The following DUS1L variants were observed in gnomAD, a reference collection of about 807,000 sequenced individuals.
The protein encoded by DUS1L is tRNA-dihydrouridine(16/17) synthase [NAD(P)(+)]-like.
A neutral mutation model predicts 61.2 loss-of-function variants in DUS1L; 56 were observed. The observed-to-expected ratio is 0.92, with a 90% CI of 0.74 to 1.14. The LOEUF is 1.14. Among genes scored for constraint, DUS1L ranks in the 50% most tolerant of loss-of-function variants. DUS1L has a pLI of 0.00. For missense variants in DUS1L, 630 were observed against 632.4 expected, an observed-to-expected ratio of 1.00 and a Z score of 0.04; for synonymous variants, 278 against 259.5, an observed-to-expected ratio of 1.07 and a Z score of -0.69.
Position 82,061,939 on chromosome 17 carries a change from CAG to C in DUS1L, c.553_554del (p.Leu185ValfsTer23), listed in dbSNP as rs759177738. ...HGRTKEQKGP[L>X]SGAASWEHIK... Reference sequence around the variant, plus strand: ...TATGCTCCCAGGACGCTGCACCCGACAGGGGCCCCTTCTGCTCCTTGGTGCGT... The same window carrying C: ...TATGCTCCCAGGACGCTGCACCCGACGGGCCCCTTCTGCTCCTTGGTGCGT... On this transcript the variant is annotated frameshift_variant, in exon 6 of 14. Coordinates refer to ENST00000306796, the MANE Select transcript of DUS1L (RefSeq NM_022156.5). LOFTEE classifies it high-confidence loss of function. 45 of 1,611,028 alleles carry C rather than the reference CAG, an allele frequency of 2.8e-5. No individual in the cohort carries two copies. The highest frequency in any genetic ancestry group is 8.3e-5 in the Admixed American group (5 of 59,884).
chr17:82,061,622 G>A lies in DUS1L; in HGVS notation c.693C>T (p.Ser231=), dbSNP rs370860304. ...GCTGTCCTGGGCCCTGCCCACCTGCGCTCATGACGCCCTGCACACCCGTGT... is the reference window on the plus strand; with the variant it reads ...GCTGTCCTGGGCCCTGCCCACCTGCACTCATGACGCCCTGCACACCCGTGT... ...LRDTGVQGVM[S]AEGNLHNPAL... is the part of the protein sequence containing the mutation. The change falls in exon 7 of 14, where the codon AGC becomes AGT. Residue 231 remains serine (S), a synonymous_variant. Coordinates refer to ENST00000306796, the MANE Select transcript of DUS1L (RefSeq NM_022156.5). The A allele has an allele frequency of 8.1e-6, 13 of 1,610,802 alleles. No homozygotes were observed. In the East Asian group the frequency reaches 1.3e-4, roughly 17 times the overall value.
At chr17:82,064,781 G>A (rs758613115) in intron 2 of DUS1L, 42 bp downstream of exon 2, 1 of 1,433,382 alleles carries the variant, frequency 7.0e-7, no homozygotes, top group Admixed American at 2.3e-5. Flanking sequence ...TTCCAGGACC[G>A]GGAACCCAAC....
Position 82,060,017 on chromosome 17 carries a change from C to A in DUS1L, c.1099G>T (p.Val367Phe), listed in dbSNP as rs1025004616. Residue 367 changes from valine to phenylalanine, a missense_variant, in exon 11 of 14, where the codon GTC (valine) becomes TTC (phenylalanine). Coordinates refer to ENST00000306796, the MANE Select transcript of DUS1L (RefSeq NM_022156.5). ...ALEEEEGGTE[V>F]LSKNKQKKQL... Reference sequence around the variant, plus strand: ...TTCTTTTGCTTGTTCTTGGACAGGACCTCCGTGCCACCCTCCTCTTCCTCC... The same window carrying A: ...TTCTTTTGCTTGTTCTTGGACAGGAACTCCGTGCCACCCTCCTCTTCCTCC... The A allele has an allele frequency of 2.5e-6, 4 of 1,613,768 alleles. No individual in the cohort carries two copies. The East Asian group carries it at 6.7e-5, about 27-fold the overall frequency.
Position 82,065,022 on chromosome 17 carries a change from G to C in DUS1L, c.38C>G (p.Thr13Ser). 6.2e-7 allele frequency: 1 copy of C among 1,607,404 alleles called. No individual in the cohort carries two copies. Among genetic ancestry groups the C allele is most frequent in the Non-Finnish European group, 8.5e-7 (1 of 1,176,460 alleles). ...KLQGFEFWSR[T>S]LRGARHVVAP... is the part of the protein sequence containing the mutation. ...CACGACGTGGCGGGCCCCTCGCAGG[G>C]TGCGGCTCCAGAACTCGAAGCCCTG... The change falls in exon 2 of 14, where the codon ACC becomes AGC. Residue 13 changes from threonine (T) to serine (S), a missense_variant. Coordinates refer to ENST00000306796, the MANE Select transcript of DUS1L (RefSeq NM_022156.5).
rs1338443264 is a variant in DUS1L at position 82,059,959 on chromosome 17, G to A, written c.1157C>T (p.Pro386Leu). 6.2e-7 allele frequency: 1 copy of A among 1,613,890 alleles called. No individual in the cohort carries two copies. Among genetic ancestry groups the A allele is most frequent in the Non-Finnish European group, 8.5e-7 (1 of 1,180,002 alleles). The change falls in exon 11 of 14, where the codon CCC (proline) becomes CTC (leucine). Residue 386 changes from proline (P) to leucine (L), a missense_variant. Pro to Leu is a moderately conservative substitution (Grantham distance 98). Coordinates refer to ENST00000306796, the MANE Select transcript of DUS1L (RefSeq NM_022156.5). ...QLRNPHKTFDPSLKPKYAKCD... is the reference protein window; with the variant it reads ...QLRNPHKTFDLSLKPKYAKCD... ...GAAGCAGCACTTACGCTTCAGAGAG[G>A]GGTCGAAGGTCTTGTGGGGGTTCCT...
intron 4 of DUS1L, 34 bp downstream of exon 4, chr17:82,063,434 T>TG: frequency 6.2e-7 from 1 of 1,613,628 alleles, no homozygotes; most frequent in Non-Finnish European, 8.5e-7. Context: ...TGAGGGTCTC[T>TG]GGGGGTCCTT....
In DUS1L at chr17:82,064,977, C is replaced by T; in HGVS notation, c.83G>A (p.Ser28Asn). The change falls in exon 2 of 14, where the codon AGC becomes AAC. Residue 28 changes from serine (S) to asparagine (N), a missense_variant. Transcript: ENST00000306796. ...RHVVAPMVDQSELAWRLLSRR... is the reference protein window; with the variant it reads ...RHVVAPMVDQNELAWRLLSRR... Reference sequence around the variant, plus strand: ...GCTCAGCAGCCTCCAGGCCAGCTCGCTCTGGTCCACCATGGGGGCCACGAC... The same window carrying T: ...GCTCAGCAGCCTCCAGGCCAGCTCGTTCTGGTCCACCATGGGGGCCACGAC... 6.2e-7 allele frequency: 1 copy of T among 1,612,304 alleles called. No individual in the cohort carries two copies. The highest frequency in any genetic ancestry group is 8.5e-7 in the Non-Finnish European group (1 of 1,179,684).
chr17:82,065,147 C>T (rs58112725), intron 1 of DUS1L, 78 bp from the exon 2 acceptor site: 100,515 of 1,272,518 alleles, frequency 0.079, 8,316 homozygotes, highest in African/African-American at 0.42. Flanking sequence ...CAGCGGTCAC[C>T]CTTCTAAGGC....
At chr17:82,062,779 G>T in intron 5 of DUS1L, 82 bp downstream of exon 5, 1 of 1,277,692 alleles carries the variant, frequency 7.8e-7, no homozygotes, top group East Asian at 2.3e-5. Context: ...CACGGTGTCT[G>T]GACACAGGAA....
intron 6 of DUS1L, 45 bp downstream of exon 6, chr17:82,061,856 G>T: frequency 6.3e-7 from 1 of 1,587,504 alleles, no homozygotes; most frequent in South Asian, 1.1e-5. Context: ...GGGACCCCCA[G>T]CAAAGCCCCA....
chr17:82,062,432 G>A (rs921111982), intron 5 of DUS1L, among the ~76,000 whole-genome samples: 1 of 152,210 alleles, frequency 6.6e-6, no homozygotes, highest in African/African-American at 2.4e-5. Flanking sequence ...AGTGTCTTGA[G>A]GGGCACCCCC....
In DUS1L at chr17:82,058,432, C is replaced by A. The variant is rs1465211604; in HGVS notation, c.1207-16G>T. 4 of 1,481,144 alleles carry A rather than the reference C, an allele frequency of 2.7e-6. No individual in the cohort carries two copies. The highest frequency in any genetic ancestry group is 2.7e-6 in the Non-Finnish European group (3 of 1,115,226). 91.8% of individuals were successfully genotyped at this position (1,481,144 alleles called of 1,614,324 possible). On this transcript the variant is annotated splice_polypyrimidine_tract_variant and intron_variant, in intron 12 of 13. Transcript: ENST00000306796. ...ATCTGTTGCCCTGGGCACAGGAAAT[C>A]TCGGGAGCCTGTGGCCAGCACCACT...
At chr17:82,064,261 G>C (rs373420979) in intron 2 of DUS1L, 27 bp from the exon 3 acceptor site, 7 of 1,595,846 alleles carry the variant, frequency 4.4e-6, no homozygotes, top group African/African-American at 1.3e-5. Context: ...AGTCAGCCAC[G>C]GGCCCAGCCA....
chr17:82,063,523 A>G lies in DUS1L; in HGVS notation c.347-5T>C, dbSNP rs775293265. 57 of 1,613,392 alleles carry G rather than the reference A, an allele frequency of 3.5e-5. No homozygotes were observed. In the South Asian group the frequency reaches 4.7e-4, roughly 13 times the overall value. On this transcript the variant is annotated splice_region_variant and splice_polypyrimidine_tract_variant and intron_variant, in intron 3 of 13. Coordinates refer to ENST00000306796, the MANE Select transcript of DUS1L (RefSeq NM_022156.5). The stretch of plus-strand genomic sequence containing the variant: ...GCAGAAAGGCGCCATAGTGACCTGC[A>G]AGGAGCAAGCATGGCCTGGCTGGCA...
In DUS1L at chr17:82,060,049, C is replaced by T. The variant is rs138475537; in HGVS notation, c.1067G>A (p.Arg356Gln). The T allele has an allele frequency of 3.7e-6, 6 of 1,613,484 alleles. No individual in the cohort carries two copies. In the East Asian group the frequency reaches 6.7e-5, roughly 18 times the overall value. ...SKEKAGARSK[R>Q]ALEEEEGGTE... The stretch of plus-strand genomic sequence containing the variant: ...GCCACCCTCCTCTTCCTCCAGGGCC[C>T]GCTTGCTGCGCGCACCTGCCTTCTC... Residue 356 changes from arginine (R) to glutamine (Q), a missense_variant, in exon 11 of 14, where the codon CGG (arginine) becomes CAG (glutamine). Transcript: ENST00000306796.
rs769221897 is a variant in DUS1L, at chr17:82,058,395, G to A, written c.1228C>T (p.Leu410=). 2 of 1,495,056 alleles carry A rather than the reference G, an allele frequency of 1.3e-6. No homozygotes were observed. The highest frequency in any genetic ancestry group is 4.6e-5 in the Admixed American group (2 of 43,080). The allele number at this position is 1,495,056 out of a possible 1,614,324, so 92.6% of individuals were successfully genotyped here. ...CGCTTCTTGCAGCAGCCGCGGCACA[G>A]GCTGAACACACATCTGTTGCCCTGG... ...NPKGNRCVFS[L]CRGCCKKRAS... Residue 410 remains leucine (L), a synonymous_variant, in exon 13 of 14, where the codon CTG becomes TTG. Transcript: ENST00000306796.
chr17:82,060,216 A>C (rs2033413614), intron 10 of DUS1L, 123 bp from the exon 11 acceptor site: 3 of 1,306,886 alleles, frequency 2.3e-6, no homozygotes, highest in Middle Eastern at 2.7e-4. Context: ...TGCTGTGAGG[A>C]GTGCCCTCCT....
rs1440407791 is a variant in DUS1L, at chr17:82,060,094, C to G, written c.1023-1G>C. 2 of 1,612,526 alleles carry G rather than the reference C, an allele frequency of 1.2e-6. No homozygotes were observed. Among genetic ancestry groups the G allele is most frequent in the Non-Finnish European group, 1.7e-6 (2 of 1,179,608 alleles). On this transcript the variant is annotated splice_acceptor_variant, in intron 10 of 13. Coordinates refer to ENST00000306796, the MANE Select transcript of DUS1L (RefSeq NM_022156.5). LOFTEE classifies it high-confidence loss of function. Reference sequence around the variant, plus strand: ...CTTCTCCTTGCTCCCCTCCCTGGGCCTGAGGGGAGGGCAGCGGGCAGAGCC... The same window carrying G: ...CTTCTCCTTGCTCCCCTCCCTGGGCGTGAGGGGAGGGCAGCGGGCAGAGCC...
At position 82,057,721 on chromosome 17, in the gene DUS1L, T is replaced by C. The variant is rs561325515; in HGVS notation, c.*394A>G. The C allele has an allele frequency of 5.1e-6, 1 of 197,252 alleles. No homozygotes were observed. The highest frequency in any genetic ancestry group is 2.4e-5 in the African/African-American group (1 of 42,388). The allele number at this position is 197,252 out of a possible 1,614,324, so 12.2% of individuals were successfully genotyped here. A position where few individuals can be genotyped will look rare whatever the true frequency, so the allele number is the denominator to read the frequency against. Reference sequence around the variant, plus strand: ...TGCCTATGGAGGCGCCTAGGGGAGGTGGGGAGGGGACCTAAGCCCCCACTT... The same window carrying C: ...TGCCTATGGAGGCGCCTAGGGGAGGCGGGGAGGGGACCTAAGCCCCCACTT... On this transcript the variant is annotated 3_prime_UTR_variant, in exon 14 of 14. Transcript: ENST00000306796.
Sources: allele counts gnomAD v4.1 joint callset (sites outside exome capture counted in the v4.1 genomes callset), GRCh38; gene constraint gnomAD v4.1.1; transcripts MANE v1.5; gene names NCBI Gene and HGNC (gene_info 2026-07-23, HGNC 2026-07-21).